The following ABCA6 variants were observed in gnomAD, a reference collection of about 807,000 sequenced individuals.
ABCA6 encodes ATP binding cassette subfamily A member 6.
In ABCA6, 164 loss-of-function variants were observed where a neutral mutation model predicts 191.2. The observed-to-expected ratio is 0.86, with a 90% CI of 0.76 to 0.98. ABCA6 has a LOEUF of 0.98. Among genes scored for constraint, ABCA6 ranks in the 50% least tolerant of loss-of-function variants. ABCA6 has a pLI of 0.00. For missense variants in ABCA6, 1,958 were observed against 1,894.1 expected (o/e 1.03, Z -0.63); for synonymous variants, 636 against 647.7 (o/e 0.98, Z 0.27).
chr17:69,100,845 C>T lies in ABCA6; in HGVS notation c.2964G>A (p.Met988Ile), dbSNP rs1040776984. 1 of 1,612,720 alleles carries T rather than the reference C, an allele frequency of 6.2e-7. No homozygotes were observed. Among genetic ancestry groups the T allele is most frequent in the East Asian group, 2.2e-5 (1 of 44,722 alleles). The part of the protein sequence containing the change: ...MNIISNGLLQ[M>I]FNHTQHIRIE... ...TTCGAATATGTTGTGTGTGATTAAA[C>T]ATTTGAAGTAGCCCATTGCTGATAA... The change falls in exon 22 of 39, where the codon ATG (methionine) becomes ATA (isoleucine). Residue 988 changes from methionine (M) to isoleucine (I), a missense_variant. Physicochemically the swap from Met to Ile is conservative, Grantham distance 10. Coordinates refer to ENST00000284425, the MANE Select transcript of ABCA6 (RefSeq NM_080284.3).
chr17:69,090,221 A>T (rs2072894451), intron 26 of ABCA6, among the ~76,000 whole-genome samples: 1 of 152,186 alleles, frequency 6.6e-6, no homozygotes, highest in South Asian at 2.1e-4. Flanking sequence ...TTCGCCAAGG[A>T]CACCCCTGAT....
chr17:69,079,187 C>G, intron 38 of ABCA6, 23 bp downstream of exon 38: 1 of 1,603,546 alleles, frequency 6.2e-7, no homozygotes, highest in South Asian at 1.1e-5. Flanking sequence ...CCAGATGATA[C>G]AAAGTCAAAC....
chr17:69,078,805 C>G lies in ABCA6; in HGVS notation c.*168G>C. ...CTTTATCACAGGTTTGCTATCACCC[C>G]TATGTTTGAGAGGAAGAATAATTTT... On this transcript the variant is annotated 3_prime_UTR_variant, in exon 39 of 39. Coordinates refer to ENST00000284425, the MANE Select transcript of ABCA6 (RefSeq NM_080284.3). 2.1e-6 allele frequency: 1 copy of G among 473,236 alleles called. No individual in the cohort carries two copies. Among genetic ancestry groups the G allele is most frequent in the Non-Finnish European group, 3.6e-6 (1 of 274,836 alleles). 29.3% of individuals were successfully genotyped at this position (473,236 alleles called of 1,614,324 possible).
intron 18 of ABCA6, among the ~76,000 whole-genome samples, chr17:69,106,553 A>T (rs2144659714): frequency 7.1e-6 from 1 of 140,462 alleles, no homozygotes; most frequent in East Asian, 2.1e-4. Context: ...AGATTGCACC[A>T]CTGCACTCCA....
At position 69,089,484 on chromosome 17, in the gene ABCA6, T is replaced by C. The variant is rs1401704965; in HGVS notation, c.3587A>G (p.Asp1196Gly). ...PEANFELSATDFLVCFIPYFQ... is the reference protein window; with the variant it reads ...PEANFELSATGFLVCFIPYFQ... Reference sequence around the variant, plus strand: ...TCTTACTATGAAGCAGACTAGAAAATCAGTGGCACTCAATTCAAAATTTGC... The same window carrying C: ...TCTTACTATGAAGCAGACTAGAAAACCAGTGGCACTCAATTCAAAATTTGC... The change falls in exon 27 of 39, where the codon GAT becomes GGT. Residue 1196 changes from aspartate (D) to glycine (G), a missense_variant. Asp to Gly is a moderately conservative substitution (Grantham distance 94). Transcript: ENST00000284425. 1 of 1,613,590 alleles carries C rather than the reference T, an allele frequency of 6.2e-7. No individual in the cohort carries two copies. Among genetic ancestry groups the C allele is most frequent in the Non-Finnish European group, 8.5e-7 (1 of 1,179,898 alleles).
rs780136759 is a variant in ABCA6, at chr17:69,112,262, T to C, written c.2053A>G (p.Ile685Val). 1.7e-5 allele frequency: 28 copies of C among 1,611,378 alleles called. No homozygotes were observed. In the South Asian group the frequency reaches 3.1e-4, roughly 18 times the overall value. ...EADILADRKVIMSNGRLKCAG... is the reference protein window; with the variant it reads ...EADILADRKVVMSNGRLKCAG... ...CACTTCAGTCTCCCATTGGACATGA[T>C]CACTTTTCTATCTGAATGAAAGAAA... is the stretch of plus-strand genomic sequence containing the variant. Residue 685 changes from isoleucine (I) to valine (V), a missense_variant, in exon 16 of 39, where the codon ATC becomes GTC. By Grantham distance (29) the Ile-to-Val change is conservative (BLOSUM62 3). Transcript: ENST00000284425.
At chr17:69,100,423 T>A (rs1363739325) in intron 22 of ABCA6, among the ~76,000 whole-genome samples, 1 of 152,198 alleles carries the variant, frequency 6.6e-6, no homozygotes, top group Non-Finnish European at 1.5e-5. Context: ...ATTTAGTCAA[T>A]GGAGGGTCCA....
intron 20 of ABCA6, among the ~76,000 whole-genome samples, chr17:69,103,384 AAT>A (rs546778961): frequency 2.0e-5 from 3 of 152,162 alleles, no homozygotes; most frequent in African/African-American, 7.2e-5. Context: ...TGGACAAGTA[AAT>A]ATATATGTGT....
chr17:69,099,607 GAGACAGGT>G (rs1263495678), intron 22 of ABCA6: 1 of 154,300 alleles, frequency 6.5e-6, no homozygotes, highest in Non-Finnish European at 1.5e-5. Context: ...ATTCTGCAGT[GAGACAGGT>G]TCATGCTGCT....
At chr17:69,095,340 A>C (rs117162241) in intron 25 of ABCA6, 1 of 160,056 alleles carries the variant, frequency 6.2e-6, no homozygotes, top group Non-Finnish European at 1.4e-5. Flanking sequence ...CTTCCACTGG[A>C]TTGTGCTGAT....
At chr17:69,110,409 T>G in intron 17 of ABCA6, 1 of 184,788 alleles carries the variant, frequency 5.4e-6, no homozygotes, top group Non-Finnish European at 1.1e-5. Flanking sequence ...AATGCTCTCG[T>G]AGGCATCCCT....
intron 21 of ABCA6, 87 bp downstream of exon 21, chr17:69,102,748 G>C: frequency 7.8e-7 from 1 of 1,285,244 alleles, no homozygotes; most frequent in Non-Finnish European, 1.1e-6. Context: ...TCAAGTTTCT[G>C]TATACTAGCT....
chr17:69,121,152 C>G (rs746205854), intron 10 of ABCA6, among the ~76,000 whole-genome samples: 1 of 151,964 alleles, frequency 6.6e-6, no homozygotes, highest in Non-Finnish European at 1.5e-5. Flanking sequence ...AGAATTCACA[C>G]GTTGGAATTG....
In ABCA6 at chr17:69,102,883, A is replaced by G. The variant is rs769681288; in HGVS notation, c.2826T>C (p.Thr942=). 6.2e-7 allele frequency: 1 copy of G among 1,602,570 alleles called. No individual in the cohort carries two copies. Among genetic ancestry groups the G allele is most frequent in the Non-Finnish European group, 8.5e-7 (1 of 1,176,410 alleles). ...TAGCTCCATTGTATGAGAGGCCATC[A>G]GTACCATTTCTGTTTTCAAAGTCAT... The part of the protein sequence containing the change: ...EVDDFENRNG[T]DGLSYNGAII... Residue 942 remains threonine, a synonymous_variant, in exon 21 of 39, where the codon ACT becomes ACC. Coordinates refer to ENST00000284425, the MANE Select transcript of ABCA6 (RefSeq NM_080284.3).
chr17:69,106,041 C>T lies in ABCA6; in HGVS notation c.2560G>A (p.Val854Met), dbSNP rs368906705. ...TCTCCTACTCACAGGGTCAATAACA[C>T]TTTAGTTTGACGTTTTAACTTTAAG... ...RFLKLKRQTK[V>M]LLTLLLVFGI... is the part of the protein sequence containing the mutation. Residue 854 changes from valine to methionine, a missense_variant, in exon 19 of 39, where the codon GTG becomes ATG. Val to Met is a conservative substitution (Grantham distance 21, BLOSUM62 1). Coordinates refer to ENST00000284425, the MANE Select transcript of ABCA6 (RefSeq NM_080284.3). The T allele has an allele frequency of 2.5e-6, 4 of 1,611,450 alleles. No homozygotes were observed. Among genetic ancestry groups the T allele is most frequent in the Admixed American group, 1.7e-5 (1 of 59,644 alleles).
intron 11 of ABCA6, 55 bp downstream of exon 11, chr17:69,117,840 CCTT>C: frequency 7.8e-7 from 1 of 1,279,816 alleles, no homozygotes; most frequent in East Asian, 2.5e-5. Flanking sequence ...TGAATGTTTC[CCTT>C]TTTTATAATA....
chr17:69,107,155 C>G lies in ABCA6; in HGVS notation c.2389+541G>C, dbSNP rs185898463. 2.0e-5 allele frequency among the ~76,000 whole-genome samples: 3 copies of G among 152,118 alleles called. No individual in the cohort carries two copies. In the East Asian group the frequency reaches 5.8e-4, roughly 29 times the overall value. On this transcript the variant is annotated intron_variant, in intron 18 of 38. Coordinates refer to ENST00000284425, the MANE Select transcript of ABCA6 (RefSeq NM_080284.3). ...TAGGTCTGATTTTCTCATTTGTAAA[C>G]CAGTGCCAATGACACTTCTTGGAAA...
chr17:69,111,731 A>T (rs1167818391), intron 16 of ABCA6: 1 of 155,454 alleles, frequency 6.4e-6, no homozygotes, highest in Non-Finnish European at 1.4e-5. Flanking sequence ...GCATGAGAAC[A>T]GACTAATATA....
intron 34 of ABCA6, among the ~76,000 whole-genome samples, chr17:69,084,048 C>A (rs1211328358): frequency 6.6e-6 from 1 of 152,080 alleles, no homozygotes; most frequent in Non-Finnish European, 1.5e-5. Flanking sequence ...CCTAAAACCC[C>A]AAGAAAATGT....
Sources: gnomAD v4.1 joint callset for allele counts (sites outside exome capture counted in the v4.1 genomes callset) on GRCh38, gnomAD v4.1.1 for gene constraint, MANE v1.5 for transcripts, NCBI Gene and HGNC (gene_info 2026-07-23, HGNC 2026-07-21) for gene names.